KCNQ1: variants seen among roughly 807,000 people sequenced by gnomAD.
KCNQ1 encodes the protein potassium voltage-gated channel subfamily Q member 1.
Under a neutral mutation model 72.4 loss-of-function variants are expected in KCNQ1, and 49 were observed. That is an observed-to-expected ratio of 0.68 (90% CI 0.54 to 0.86). The LOEUF (loss-of-function observed/expected upper bound fraction) is 0.86, where lower values mean the gene tolerates loss of function less well. Ranked by LOEUF, KCNQ1 falls within the 40% of genes least tolerant of loss-of-function variation. KCNQ1 has a pLI of 0.00. For synonymous variants in KCNQ1, 450 were observed against 412.6 expected, an observed-to-expected ratio of 1.09 and a Z score of -1.10; for missense variants, 790 against 945.1, an observed-to-expected ratio of 0.84 and a Z score of 2.15.
At chr11:2,667,054 C>A in intron 11 of KCNQ1, 1 of 398,646 alleles carries the variant, frequency 2.5e-6, no homozygotes, top group Non-Finnish European at 4.4e-6. Flanking sequence ...GGCTCAAACC[C>A]GTCTCTGAAA....
chr11:2,793,507 C>G (rs115035741), intron 15 of KCNQ1, among the ~76,000 whole-genome samples: 1 of 152,132 alleles, frequency 6.6e-6, no homozygotes, highest in African/African-American at 2.4e-5. Context: ...GCCTGTGGTC[C>G]CGGCTGCTCA....
rs2133855949 is a variant in KCNQ1 at position 2,661,975 on chromosome 11, A to G, written c.1408A>G (p.Thr470Ala). 1 of 1,614,196 alleles carries G rather than the reference A, an allele frequency of 6.2e-7. No individual in the cohort carries two copies. Among genetic ancestry groups the G allele is most frequent in the Non-Finnish European group, 8.5e-7 (1 of 1,180,044 alleles). Residue 470 changes from threonine to alanine, a missense_variant, in exon 11 of 16, where the codon ACA (threonine) becomes GCA (alanine). Physicochemically the swap from Thr to Ala is moderately conservative, Grantham distance 58. Coordinates refer to ENST00000155840, the MANE Select transcript of KCNQ1 (RefSeq NM_000218.3). The surrounding 1 kb of genome is among the most constrained non-coding windows in gnomAD (Gnocchi z 5.9). The stretch of plus-strand genomic sequence containing the variant: ...TTTCTCCTCAGTAAGGAAGAGCCCA[A>G]CACTGCTGGAAGTGAGCATGCCCCA... ...GYDSSVRKSP[T>A]LLEVSMPHFM...
At chr11:2,615,430 C>T (rs1455038901) in intron 10 of KCNQ1, 4 of 397,822 alleles carry the variant, frequency 1.0e-5, no homozygotes, top group Non-Finnish European at 1.8e-5. Flanking sequence ...TTAAAACTTT[C>T]AGTACATTGT....
intron 11 of KCNQ1, chr11:2,699,785 C>T (rs1432284560): frequency 1.8e-5 from 7 of 397,370 alleles, no homozygotes; most frequent in Non-Finnish European, 3.1e-5. Flanking sequence ...CGAGGAGAAC[C>T]GCGCCGAGGG....
chr11:2,581,079 C>T (rs1462505829), intron 6 of KCNQ1, among the ~76,000 whole-genome samples: 2 of 152,202 alleles, frequency 1.3e-5, no homozygotes, highest in Admixed American at 1.3e-4. Context: ...TGAGTGTCCC[C>T]CCAAAAAATC....
chr11:2,740,656 C>T (rs1306890982), intron 11 of KCNQ1, among the ~76,000 whole-genome samples: 1 of 152,222 alleles, frequency 6.6e-6, no homozygotes, highest in East Asian at 1.9e-4. Context: ...ATCAAGGTGT[C>T]CTCAGGGCTG....
Position 2,668,527 on chromosome 11 carries a change from G to A in KCNQ1, c.1514+6446G>A, listed in dbSNP as rs1850124243. The A allele has an allele frequency of 5.0e-6, 2 of 398,442 alleles. No individual in the cohort carries two copies. The highest frequency in any genetic ancestry group is 8.8e-6 in the Non-Finnish European group (2 of 226,062). 24.7% of individuals were successfully genotyped at this position (398,442 alleles called of 1,614,324 possible). On this transcript the variant is annotated intron_variant, in intron 11 of 15. Coordinates refer to ENST00000155840, the MANE Select transcript of KCNQ1 (RefSeq NM_000218.3). This position sits in a 1 kb window ranked among gnomAD's most constrained non-coding sequence, Gnocchi z 4.3. ...CAGCATCAAATGGTGATTTTAATTTGCAGTAACCTGTTGACTAATGAAGTT... is the reference window on the plus strand; with the variant it reads ...CAGCATCAAATGGTGATTTTAATTTACAGTAACCTGTTGACTAATGAAGTT...
intron 15 of KCNQ1, among the ~76,000 whole-genome samples, chr11:2,807,563 CCGGGCCCTCCT>C (rs890487951): frequency 2.0e-5 from 3 of 152,222 alleles, no homozygotes; most frequent in African/African-American, 7.2e-5. Flanking sequence ...CACTCCCGGG[CCGGGCCCTCCT>C]CGGGCCCAGC....
chr11:2,720,585 G>T lies in KCNQ1; in HGVS notation c.1515-48259G>T, dbSNP rs1303985221. Among the ~76,000 whole-genome samples the T allele has an allele frequency of 2.0e-5, 3 of 152,180 alleles. No homozygotes were observed. Among genetic ancestry groups the T allele is most frequent in the Non-Finnish European group, 2.9e-5 (2 of 68,022 alleles). On this transcript the variant is annotated intron_variant, in intron 11 of 15. Transcript: ENST00000155840. The surrounding 1 kb of genome is among the most constrained non-coding windows in gnomAD (Gnocchi z 5.1). ...TGTCCAGAACTCTGAGCTCCTGTGGGTCCTTCTCTGAGTGTCCTATGTTGG... is the reference window on the plus strand; with the variant it reads ...TGTCCAGAACTCTGAGCTCCTGTGGTTCCTTCTCTGAGTGTCCTATGTTGG...
At position 2,849,070 on chromosome 11, in the gene KCNQ1, C is replaced by T. The variant is rs979788388; in HGVS notation, c.*1067C>T. On this transcript the variant is annotated 3_prime_UTR_variant, in exon 16 of 16. Coordinates refer to ENST00000155840, the MANE Select transcript of KCNQ1 (RefSeq NM_000218.3). ...TCACAGACAGGACCCCTGCAGTTCCCCTGGAAGCAGTGCCCAGGTGGCTGT... is the reference window on the plus strand; with the variant it reads ...TCACAGACAGGACCCCTGCAGTTCCTCTGGAAGCAGTGCCCAGGTGGCTGT... 2.2e-6 allele frequency: 1 copy of T among 453,776 alleles called. No individual in the cohort carries two copies. Among genetic ancestry groups the T allele is most frequent in the African/African-American group, 2.0e-5 (1 of 49,988 alleles). 28.1% of individuals were successfully genotyped at this position (453,776 alleles called of 1,614,324 possible). A position where few individuals can be genotyped will look rare whatever the true frequency, so the allele number is the denominator to read the frequency against.
Position 2,848,666 on chromosome 11 carries a change from T to C in KCNQ1, c.*663T>C, listed in dbSNP as rs1199124632. ...TGAGTGGGGGGAACGCCCACTTCCCTGGGTTAGACTGCCAGCTCTTCCTAG... is the reference window on the plus strand; with the variant it reads ...TGAGTGGGGGGAACGCCCACTTCCCCGGGTTAGACTGCCAGCTCTTCCTAG... On this transcript the variant is annotated 3_prime_UTR_variant, in exon 16 of 16. Coordinates refer to ENST00000155840, the MANE Select transcript of KCNQ1 (RefSeq NM_000218.3). The C allele has an allele frequency of 6.7e-6, 3 of 450,144 alleles. No individual in the cohort carries two copies. Among genetic ancestry groups the C allele is most frequent in the Non-Finnish European group, 1.3e-5 (3 of 223,630 alleles). 27.9% of individuals were successfully genotyped at this position (450,144 alleles called of 1,614,324 possible). A position where few individuals can be genotyped will look rare whatever the true frequency, so the allele number is the denominator to read the frequency against.
intron 1 of KCNQ1, among the ~76,000 whole-genome samples, chr11:2,512,519 A>T (rs371763476): frequency 7.4e-4 from 112 of 152,330 alleles, no homozygotes; most frequent in African/African-American, 2.7e-3. Flanking sequence ...CCTCAAGACA[A>T]GTGTGGCCAT....
intron 15 of KCNQ1, 69 bp from the exon 16 acceptor site, chr11:2,847,698 G>A: frequency 7.0e-7 from 1 of 1,434,754 alleles, no homozygotes; most frequent in Non-Finnish European, 9.6e-7. Flanking sequence ...CCAAACCTGG[G>A]CCCTGAGGCT....
At chr11:2,718,980 G>A (rs1232943510) in intron 11 of KCNQ1, among the ~76,000 whole-genome samples, 1 of 152,254 alleles carries the variant, frequency 6.6e-6, no homozygotes, top group Non-Finnish European at 1.5e-5. Flanking sequence ...ACCCTGGGGT[G>A]AAGGCTTGGC....
At chr11:2,837,804 C>G (rs1462987095) in intron 15 of KCNQ1, among the ~76,000 whole-genome samples, 2 of 152,216 alleles carry the variant, frequency 1.3e-5, no homozygotes, top group Non-Finnish European at 2.9e-5. Flanking sequence ...CAGAGGAAAC[C>G]GGCTCTGGGG....
intron 10 of KCNQ1, chr11:2,644,489 ATTTCT>A (rs1486339655): frequency 5.0e-6 from 2 of 397,680 alleles, no homozygotes; most frequent in Non-Finnish European, 8.9e-6. Flanking sequence ...GTTTTTTCTG[ATTTCT>A]TTGTATAGTC....
rs1849263849 is a variant in KCNQ1, at chr11:2,626,460, A to G, written c.1394-35501A>G. On this transcript the variant is annotated intron_variant, in intron 10 of 15. Transcript: ENST00000155840. This position sits in a 1 kb window ranked among gnomAD's most constrained non-coding sequence, Gnocchi z 4.0. ...GGGTTTATTTTTGGGCTCTCTATTC[A>G]ATTCCATTGGTCTCTACATCTTTAT... The G allele has an allele frequency of 5.0e-6, 2 of 398,474 alleles. No homozygotes were observed. Among genetic ancestry groups the G allele is most frequent in the Non-Finnish European group, 8.8e-6 (2 of 226,078 alleles). The allele number at this position is 398,474 out of a possible 1,614,324, so 24.7% of individuals were successfully genotyped here.
At chr11:2,801,833 G>T (rs906009814) in intron 15 of KCNQ1, among the ~76,000 whole-genome samples, 1 of 152,332 alleles carries the variant, frequency 6.6e-6, no homozygotes, top group East Asian at 1.9e-4. Context: ...CACTGCCTGC[G>T]CCAGGGAAGA....
At position 2,579,270 on chromosome 11, in the gene KCNQ1, G is replaced by A. The variant is rs768722971; in HGVS notation, c.922-4165G>A. Among the ~76,000 whole-genome samples the A allele has an allele frequency of 6.6e-6, 1 of 152,210 alleles. No individual in the cohort carries two copies. The highest frequency in any genetic ancestry group is 1.5e-5 in the Non-Finnish European group (1 of 68,032). On this transcript the variant is annotated intron_variant, in intron 6 of 15. Coordinates refer to ENST00000155840, the MANE Select transcript of KCNQ1 (RefSeq NM_000218.3). The surrounding 1 kb of genome is among the most constrained non-coding windows in gnomAD (Gnocchi z 6.0). ...AGGGAGGAACATGGGGGGACTAGAA[G>A]GCTCCCCATGCCTCCCGCCCCTTCA...
Sources: gnomAD v4.1 joint callset for allele counts (sites outside exome capture counted in the v4.1 genomes callset) on GRCh38, gnomAD v4.1.1 for gene constraint, Gnocchi (gnomAD v3.1) non-coding constraint, MANE v1.5 for transcripts, NCBI Gene and HGNC (gene_info 2026-07-23, HGNC 2026-07-21) for gene names.